SIK3: variants seen among roughly 807,000 people sequenced by gnomAD.
The protein encoded by SIK3 is SIK family kinase 3.
In SIK3, 28 loss-of-function variants were observed where a neutral mutation model predicts 144.2. That is an observed-to-expected ratio of 0.19 (90% CI 0.14 to 0.27). The LOEUF is 0.27. Among genes scored for constraint, SIK3 ranks in the 10% least tolerant of loss-of-function variants. The pLI is 1.00. For missense variants in SIK3, 1,319 were observed against 1,776.0 expected (o/e 0.74, Z 4.62); for synonymous variants, 686 against 676.3 (o/e 1.01, Z -0.22).
At chr11:116,859,172 T>G in intron 20 of SIK3, 93 bp downstream of exon 20, 8 of 1,178,918 alleles carry the variant, frequency 6.8e-6, no homozygotes, top group African/African-American at 1.5e-5. Flanking sequence ...GTCAGACCCA[T>G]TCTCCTTCCC....
chr11:116,855,230 C>T (rs535534905), intron 21 of SIK3: 1 of 152,320 alleles, frequency 6.6e-6, no homozygotes, highest in African/African-American at 2.4e-5. Context: ...CTGCTGCTGT[C>T]CTTGGAAAAT....
At chr11:116,953,214 C>A (rs1949013710) in intron 3 of SIK3, among the ~76,000 whole-genome samples, 1 of 151,862 alleles carries the variant, frequency 6.6e-6, no homozygotes, top group Non-Finnish European at 1.5e-5. Flanking sequence ...CAGGAAGGAG[C>A]AAATGTTTAA....
intron 2 of SIK3, among the ~76,000 whole-genome samples, chr11:116,955,191 A>G (rs1175924578): frequency 6.6e-6 from 1 of 152,176 alleles, no homozygotes; most frequent in African/African-American, 2.4e-5. Flanking sequence ...TGAGATTAGG[A>G]GTTCGAGACC....
At chr11:116,856,269 G>A (rs1351596468) in intron 21 of SIK3, among the ~76,000 whole-genome samples, 1 of 151,374 alleles carries the variant, frequency 6.6e-6, no homozygotes, top group Non-Finnish European at 1.5e-5. Context: ...TCTGCTGGAA[G>A]CTTCCATTTG....
intron 1 of SIK3, among the ~76,000 whole-genome samples, chr11:117,067,222 T>C (rs77857467): frequency 1.2e-4 from 19 of 152,330 alleles, no homozygotes; most frequent in African/African-American, 4.3e-4. Flanking sequence ...CGCAAAGCTG[T>C]ACATGAAGTT....
intron 1 of SIK3, among the ~76,000 whole-genome samples, chr11:117,033,582 G>A (rs1416486057): frequency 1.3e-5 from 2 of 151,576 alleles, no homozygotes; most frequent in Admixed American, 6.6e-5. Flanking sequence ...CGTGGTGGGC[G>A]CCTGTAGTCT....
intron 3 of SIK3, 131 bp downstream of exon 3, chr11:116,953,913 G>C (rs1949047021): frequency 1.3e-5 from 8 of 621,968 alleles, no homozygotes; most frequent in Non-Finnish European, 2.2e-5. Flanking sequence ...TGCCTTTGTT[G>C]ATAGAAAATG....
intron 1 of SIK3, among the ~76,000 whole-genome samples, chr11:117,029,204 C>T (rs1181710726): frequency 1.3e-5 from 2 of 152,112 alleles, no homozygotes; most frequent in Non-Finnish European, 2.9e-5. Context: ...CCACTGTGCC[C>T]AGCCTATCCC....
intron 3 of SIK3, among the ~76,000 whole-genome samples, chr11:116,933,635 C>CCT (rs144913929): frequency 6.5e-4 from 96 of 148,690 alleles, no homozygotes; most frequent in South Asian, 4.7e-3. Context: ...TTTCTTCCTT[C>CCT]CTCTCTCTCT....
rs929220488 is a variant in SIK3, at chr11:116,975,442, T to C, written c.274-18378A>G. 1.1e-4 allele frequency among the ~76,000 whole-genome samples: 16 copies of C among 151,544 alleles called. No homozygotes were observed. The South Asian group carries it at 2.5e-3, about 24-fold the overall frequency. ...AAATTTGCCTATACTAAATATTTCATCTCAATGAGATCATACAATATCTGG... is the reference window on the plus strand; with the variant it reads ...AAATTTGCCTATACTAAATATTTCACCTCAATGAGATCATACAATATCTGG... On this transcript the variant is annotated intron_variant, in intron 1 of 24. Transcript: ENST00000445177.
At chr11:117,039,012 T>C (rs777893368) in intron 1 of SIK3, among the ~76,000 whole-genome samples, 26 of 151,902 alleles carry the variant, frequency 1.7e-4, no homozygotes, top group Non-Finnish European at 3.7e-4. Context: ...ATTGTGCCAC[T>C]GCATTCCAGC....
Position 116,863,776 on chromosome 11 carries a change from C to T in SIK3, c.1995G>A (p.Glu665=). 1 of 1,614,046 alleles carries T rather than the reference C, an allele frequency of 6.2e-7. No homozygotes were observed. Among genetic ancestry groups the T allele is most frequent in the South Asian group, 1.1e-5 (1 of 91,068 alleles). The stretch of plus-strand genomic sequence containing the variant: ...AGAACCGGCGCACAGGGGAGAAACG[C>T]TCCGTAGGGAGGTGCAGAGTGTTGG... ...KDSNTLHLPT[E]RFSPVRRFSD... Residue 665 remains glutamate (E), a synonymous_variant, in exon 16 of 25, where the codon GAG becomes GAA. Transcript: ENST00000445177.
intron 1 of SIK3, among the ~76,000 whole-genome samples, chr11:116,994,940 T>C: frequency 6.6e-6 from 1 of 151,862 alleles, no homozygotes; most frequent in East Asian, 1.9e-4. Context: ...TTCTCACCTC[T>C]ACTTTCACTC....
chr11:117,008,075 CAAAAAAAAAAA>C (rs59486431), intron 1 of SIK3, among the ~76,000 whole-genome samples: 8 of 54,666 alleles, frequency 1.5e-4, no homozygotes, highest in South Asian at 9.2e-4. Context: ...GACTCCATCT[CAAAAAAAAAAA>C]AAAAAAAAAA....
intron 1 of SIK3, among the ~76,000 whole-genome samples, chr11:116,970,133 T>C (rs956022137): frequency 2.0e-5 from 3 of 152,138 alleles, no homozygotes; most frequent in South Asian, 2.1e-4. Context: ...TCAAATTGGT[T>C]GGGCACATTA....
At chr11:116,925,421 G>A (rs551084806) in intron 4 of SIK3, among the ~76,000 whole-genome samples, 1 of 152,324 alleles carries the variant, frequency 6.6e-6, no homozygotes, top group African/African-American at 2.4e-5. Context: ...AAGGGGCTGA[G>A]CTAAAGAATG....
chr11:117,044,278 A>G (rs1952862681), intron 1 of SIK3, among the ~76,000 whole-genome samples: 1 of 152,210 alleles, frequency 6.6e-6, no homozygotes, highest in African/African-American at 2.4e-5. Flanking sequence ...AAAGAAAACT[A>G]TGCTTCTAAA....
chr11:116,929,593 T>C (rs1947482600), intron 3 of SIK3, among the ~76,000 whole-genome samples: 1 of 152,248 alleles, frequency 6.6e-6, no homozygotes, highest in South Asian at 2.1e-4. Context: ...TTCTGTTTTA[T>C]CTCTACAGTG....
intron 1 of SIK3, among the ~76,000 whole-genome samples, chr11:117,034,131 A>C (rs1042723965): frequency 1.3e-5 from 2 of 152,236 alleles, no homozygotes; most frequent in African/African-American, 4.8e-5. Context: ...AAGAAAACTT[A>C]AATCTAACAA....
Sources: gnomAD v4.1 joint callset for allele counts (sites outside exome capture counted in the v4.1 genomes callset) on GRCh38, gnomAD v4.1.1 for gene constraint, MANE v1.5 for transcripts, NCBI Gene and HGNC (gene_info 2026-07-23, HGNC 2026-07-21) for gene names.